Variants in ZNF440 observed in about 807,000 individuals in gnomAD.
ZNF440 encodes the protein zinc finger protein 440.
Under a neutral mutation model 49.7 loss-of-function variants are expected in ZNF440, and 47 were observed. The ratio of observed to expected loss-of-function variants is 0.95; its 90% confidence interval spans 0.75 to 1.21. The LOEUF (loss-of-function observed/expected upper bound fraction) is 1.21, where lower values mean the gene tolerates loss of function less well. ZNF440 is among the 50% of genes most tolerant of loss of function. The probability of loss-of-function intolerance (pLI) is 0.00; values close to 1 mark genes in which losing one functional copy is unlikely to be tolerated. For synonymous variants in ZNF440, 255 were observed against 237.7 expected (o/e 1.07, Z -0.67); for missense variants, 703 against 715.0 (o/e 0.98, Z 0.19).
intron 3 of ZNF440, 52 bp downstream of exon 3, chr19:11,830,729 A>G (rs754719618): frequency 3.9e-6 from 6 of 1,551,880 alleles, no homozygotes; most frequent in Non-Finnish European, 5.2e-6. Context: ...ATCTTAGAAT[A>G]TGACAATATA....
Position 11,814,433 on chromosome 19 carries a change from C to A in ZNF440, c.-15C>A. 1.3e-6 allele frequency: 2 copies of A among 1,557,524 alleles called. No homozygotes were observed. Among genetic ancestry groups the A allele is most frequent in the Non-Finnish European group, 8.7e-7 (1 of 1,153,052 alleles). On this transcript the variant is annotated 5_prime_UTR_variant, in exon 1 of 4. Coordinates refer to ENST00000304060, the MANE Select transcript of ZNF440 (RefSeq NM_152357.3). ...AGCCACGCAGAGGACGCCGGAACAC[C>A]CTGGAAGCCGAGAAATGGTGTGTGT...
Position 11,833,546 on chromosome 19 carries a change from G to T in ZNF440, c.*582G>T. ...TTCTTCCAGTTCTTTTCAATATCAT[G>T]AAAGAACACACTAGGGAGAAACCCT... On this transcript the variant is annotated 3_prime_UTR_variant, in exon 4 of 4. Coordinates refer to ENST00000304060, the MANE Select transcript of ZNF440 (RefSeq NM_152357.3). 1 of 264,762 alleles carries T rather than the reference G, an allele frequency of 3.8e-6. No individual in the cohort carries two copies. The highest frequency in any genetic ancestry group is 7.3e-6 in the Non-Finnish European group (1 of 136,678). The allele number at this position is 264,762 out of a possible 1,614,324, so 16.4% of individuals were successfully genotyped here.
rs1243681542 is a variant in ZNF440 at position 11,831,689 on chromosome 19, C to T, written c.513C>T (p.Pro171=). Residue 171 remains proline (P), a synonymous_variant, in exon 4 of 4, where the codon CCC becomes CCT. Transcript: ENST00000304060. ...TQERDHTGEK[P]NACKVCGKTF... is the part of the protein sequence containing the mutation. ...AAAGGGATCACACTGGAGAGAAACC[C>T]AATGCTTGTAAAGTATGTGGAAAAA... is the stretch of plus-strand genomic sequence containing the variant. 2 of 1,613,850 alleles carry T rather than the reference C, an allele frequency of 1.2e-6. No homozygotes were observed. Among genetic ancestry groups the T allele is most frequent in the African/African-American group, 1.3e-5 (1 of 74,882 alleles).
chr19:11,833,891 A>G lies in ZNF440; in HGVS notation c.*927A>G, dbSNP rs1014917014. The G allele has an allele frequency of 5.1e-6, 2 of 389,930 alleles. No homozygotes were observed. The highest frequency in any genetic ancestry group is 8.1e-5 in the South Asian group (2 of 24,728). The allele number at this position is 389,930 out of a possible 1,614,324, so 24.2% of individuals were successfully genotyped here. ...TTCTTTGAATACAGATAATGAATGT[A>G]AACAATTAACTGTTTATAATAACTG... On this transcript the variant is annotated 3_prime_UTR_variant, in exon 4 of 4. Coordinates refer to ENST00000304060, the MANE Select transcript of ZNF440 (RefSeq NM_152357.3).
In ZNF440 at chr19:11,832,699, TC is replaced by T; in HGVS notation, c.1524del (p.Thr509HisfsTer7). 1.1e-5 allele frequency: 17 copies of T among 1,613,972 alleles called. No individual in the cohort carries two copies. The highest frequency in any genetic ancestry group is 1.4e-5 in the Non-Finnish European group (17 of 1,179,986). On this transcript the variant is annotated frameshift_variant, in exon 4 of 4. Transcript: ENST00000304060. LOFTEE classifies it high-confidence loss of function. ...VPVPFDIMKG[L>X]TLERSPINAS... ...GTTCCTTTTGATATCATGAAAGGAC[TC>T]ACACTGGAGAGAAGCCCTATAAATG...
At chr19:11,814,509 C>T in intron 1 of ZNF440, 59 bp downstream of exon 1, 1 of 1,438,524 alleles carries the variant, frequency 7.0e-7, no homozygotes, top group South Asian at 1.5e-5. Context: ...TCGGCCGGAA[C>T]CGGCTGAGGC....
rs899541817 is a variant in ZNF440 at position 11,834,997 on chromosome 19, T to G, written c.*2033T>G. The G allele has an allele frequency of 2.0e-5, 3 of 152,188 alleles. No homozygotes were observed. Among genetic ancestry groups the G allele is most frequent in the Admixed American group, 2.0e-4 (3 of 15,258 alleles). The allele number at this position is 152,188 out of a possible 1,614,324, so 9.4% of individuals were successfully genotyped here. ...TGAATATAGGAAGCAGAGGTTGCAG[T>G]GAGCCGAGGTTGCACCATTGTACTC... On this transcript the variant is annotated 3_prime_UTR_variant, in exon 4 of 4. Coordinates refer to ENST00000304060, the MANE Select transcript of ZNF440 (RefSeq NM_152357.3).
intron 1 of ZNF440, among the ~76,000 whole-genome samples, chr19:11,820,058 A>G (rs911672469): frequency 1.3e-5 from 2 of 152,304 alleles, no homozygotes; most frequent in South Asian, 2.1e-4. Context: ...CATGAGAGGA[A>G]AGCAGAGAAT....
At chr19:11,831,268 C>G in intron 3 of ZNF440, 100 bp from the exon 4 acceptor site, 1 of 1,454,782 alleles carries the variant, frequency 6.9e-7, no homozygotes, top group East Asian at 2.3e-5. Context: ...AAAGCCTACA[C>G]TTTGATGGAG....
chr19:11,825,797 TTTTTCTTTTC>T (rs1248092539), intron 1 of ZNF440, among the ~76,000 whole-genome samples: 9 of 144,892 alleles, frequency 6.2e-5, no homozygotes, highest in Admixed American at 4.2e-4. Flanking sequence ...TTTTCTTTTT[TTTTTCTTTTC>T]TTTTCTTTTC....
At chr19:11,821,654 G>T (rs918121269) in intron 1 of ZNF440, among the ~76,000 whole-genome samples, 15 of 152,106 alleles carry the variant, frequency 9.9e-5, no homozygotes, top group African/African-American at 3.4e-4. Context: ...TGGGGGTGGA[G>T]AGATGTCTCA....
At chr19:11,830,468 T>C (rs537386438) in intron 2 of ZNF440, 59 bp downstream of exon 2, 36 of 1,609,204 alleles carry the variant, frequency 2.2e-5, no homozygotes, top group East Asian at 2.2e-4. Context: ...TCTAGCTCAT[T>C]AATGCTGTTG....
chr19:11,821,580 G>A (rs1412386637), intron 1 of ZNF440, among the ~76,000 whole-genome samples: 1 of 152,054 alleles, frequency 6.6e-6, no homozygotes, highest in African/African-American at 2.4e-5. Flanking sequence ...ATGAAAGGGG[G>A]CACACAGGGG....
chr19:11,815,046 C>T (rs948589334), intron 1 of ZNF440, among the ~76,000 whole-genome samples: 6 of 152,046 alleles, frequency 3.9e-5, no homozygotes, highest in Admixed American at 3.9e-4. Flanking sequence ...GAGGCCGAGG[C>T]AGGCGGATCG....
chr19:11,822,923 AT>A (rs1196476293), intron 1 of ZNF440, among the ~76,000 whole-genome samples: 1 of 150,786 alleles, frequency 6.6e-6, no homozygotes, highest in African/African-American at 2.4e-5. Flanking sequence ...TGATAATACC[AT>A]TTTCTCTTAA....
At position 11,832,756 on chromosome 19, in the gene ZNF440, G is replaced by A. The variant is rs2145134445; in HGVS notation, c.1580G>A (p.Cys527Tyr). 6.2e-7 allele frequency: 1 copy of A among 1,610,954 alleles called. No homozygotes were observed. The highest frequency in any genetic ancestry group is 1.7e-5 in the Admixed American group (1 of 59,606). ...AATGTGGGAAAGCCTTCAGAGCTGTGTCAATCCTTTGAATGCATGGTAGGA... is the reference window on the plus strand; with the variant it reads ...AATGTGGGAAAGCCTTCAGAGCTGTATCAATCCTTTGAATGCATGGTAGGA... The part of the protein sequence containing the change: ...ASNVGKPSEL[C>Y]QSFECMVGLT... The change falls in exon 4 of 4, where the codon TGT (cysteine) becomes TAT (tyrosine). Residue 527 changes from cysteine (C) to tyrosine (Y), a missense_variant. Transcript: ENST00000304060.
At chr19:11,823,185 G>A (rs1016615479) in intron 1 of ZNF440, among the ~76,000 whole-genome samples, 2 of 152,044 alleles carry the variant, frequency 1.3e-5, no homozygotes, top group Admixed American at 6.6e-5. Context: ...AGAGGAAGCC[G>A]GCTCTCCTGT....
intron 1 of ZNF440, among the ~76,000 whole-genome samples, chr19:11,827,804 G>T (rs1322284325): frequency 6.6e-6 from 1 of 152,050 alleles, no homozygotes; most frequent in South Asian, 2.1e-4. Flanking sequence ...TTATGGAGAC[G>T]GGTATCTCCT....
In ZNF440 at chr19:11,830,676, A is replaced by G. The variant is rs1284456228; in HGVS notation, c.190A>G (p.Arg64Gly). ...YEHQNPRRNF[R>G]SLIEEKVNEI... ...GCACCAAAACCCCAGGAGAAACTTC[A>G]GGTAATTTGTACTTACAAGACAAAG... Residue 64 changes from arginine (R) to glycine (G), a missense_variant and splice_region_variant, in exon 3 of 4, where the codon AGG (arginine) becomes GGG (glycine). Transcript: ENST00000304060. The G allele has an allele frequency of 1.2e-6, 2 of 1,613,942 alleles. No homozygotes were observed. The highest frequency in any genetic ancestry group is 1.1e-5 in the South Asian group (1 of 91,062).
Sources: allele counts gnomAD v4.1 joint callset (sites outside exome capture counted in the v4.1 genomes callset), GRCh38; gene constraint gnomAD v4.1.1; transcripts MANE v1.5; gene names NCBI Gene and HGNC (gene_info 2026-07-23, HGNC 2026-07-21).